The following ZFYVE16 variants were observed in gnomAD, a reference collection of about 807,000 sequenced individuals.
ZFYVE16 encodes the protein zinc finger FYVE domain-containing protein 16.
In ZFYVE16, 89 loss-of-function variants were observed where a neutral mutation model predicts 138.1. The ratio of observed to expected loss-of-function variants is 0.64; its 90% CI spans 0.54 to 0.77. The LOEUF (loss-of-function observed/expected upper bound fraction) is 0.77, where lower values mean the gene tolerates loss of function less well. Ranked by LOEUF, ZFYVE16 falls within the 30% of genes least tolerant of loss-of-function variation. The pLI is 0.00. For missense variants in ZFYVE16, 1,793 were observed against 1,786.7 expected (o/e 1.00, Z -0.06); for synonymous variants, 596 against 618.3 (o/e 0.96, Z 0.53).
chr5:80,469,521 T>TG (rs1242076827), intron 15 of ZFYVE16, among the ~76,000 whole-genome samples: 5 of 152,134 alleles, frequency 3.3e-5, no homozygotes, highest in African/African-American at 1.2e-4. Context: ...TGGGATTACA[T>TG]GTGTGAGCCA....
At chr5:80,455,124 T>A (rs1028928951) in intron 11 of ZFYVE16, 1 of 152,214 alleles carries the variant, frequency 6.6e-6, no homozygotes, top group Non-Finnish European at 1.5e-5. Flanking sequence ...ACTTTCTCAT[T>A]TATGAAATAG....
intron 2 of ZFYVE16, among the ~76,000 whole-genome samples, chr5:80,428,947 G>A (rs931749354): frequency 2.6e-5 from 4 of 152,188 alleles, no homozygotes; most frequent in African/African-American, 9.7e-5. Context: ...CAAGAAACAT[G>A]GGACTGTGTG....
At chr5:80,421,570 G>A (rs1315146572) in intron 1 of ZFYVE16, among the ~76,000 whole-genome samples, 1 of 152,092 alleles carries the variant, frequency 6.6e-6, no homozygotes, top group African/African-American at 2.4e-5. Flanking sequence ...CCCATTTCTT[G>A]TTTTTATCAG....
At chr5:80,475,758 A>G (rs988950976) in intron 18 of ZFYVE16, among the ~76,000 whole-genome samples, 2 of 152,188 alleles carry the variant, frequency 1.3e-5, no homozygotes, top group Non-Finnish European at 2.9e-5. Context: ...CATATTTGAT[A>G]TATGTTGATA....
In ZFYVE16 at chr5:80,443,198, T is replaced by A. The variant is rs796252358; in HGVS notation, c.2495T>A (p.Val832Asp). ...AATCATTCTGATGAATGTACTACTG[T>A]CCAGCCTCCTCAGGAGAACCAAACA... ...KSNHSDECTT[V>D]QPPQENQTSS... is the part of the protein sequence containing the mutation. The change falls in exon 6 of 19, where the codon GTC becomes GAC. Residue 832 changes from valine (V) to aspartate (D), a missense_variant. Val to Asp is a radical substitution (Grantham distance 152). Around this residue, in one of 2 missense-constraint regions of ZFYVE16, gnomAD observed 1,295 missense variants for 1,204.3 expected, o/e 1.08. Transcript: ENST00000505560. 6.2e-7 allele frequency: 1 copy of A among 1,609,604 alleles called. No homozygotes were observed.
At chr5:80,416,247 A>ATTTTTTTTT (rs70988469) in intron 1 of ZFYVE16, among the ~76,000 whole-genome samples, 5 of 73,346 alleles carry the variant, frequency 6.8e-5, no homozygotes, top group African/African-American at 9.7e-5. Flanking sequence ...GAATACATAG[A>ATTTTTTTTT]TTTTTTTTTT....
At chr5:80,477,101 C>A in intron 18 of ZFYVE16, 118 bp from the exon 19 acceptor site, 1 of 805,928 alleles carries the variant, frequency 1.2e-6, no homozygotes, top group Non-Finnish European at 1.8e-6. Flanking sequence ...ATAAATATAT[C>A]AAATATTTTA....
Position 80,448,662 on chromosome 5 carries a change from G to A in ZFYVE16, c.3103+258G>A, listed in dbSNP as rs564513316. Among the ~76,000 whole-genome samples, 39 of 152,090 alleles carry A rather than the reference G, an allele frequency of 2.6e-4. No homozygotes were observed. The East Asian group carries it at 5.8e-3, about 23-fold the overall frequency. The stretch of plus-strand genomic sequence containing the variant: ...AGGGAAGCTCATAGACTTTTAGCCC[G>A]AAGAAATATTTCCATTGTATTAGAA... On this transcript the variant is annotated intron_variant, in intron 8 of 18. Coordinates refer to ENST00000505560, the MANE Select transcript of ZFYVE16 (RefSeq NM_001284236.3).
intron 2 of ZFYVE16, among the ~76,000 whole-genome samples, chr5:80,433,692 TA>T (rs1424812446): frequency 6.6e-6 from 1 of 151,232 alleles, no homozygotes; most frequent in East Asian, 1.9e-4. Context: ...TGTCTTCCAC[TA>T]AAAAAAGAAA....
At chr5:80,458,032 TAAAAAAA>T (rs749338847) in intron 14 of ZFYVE16, among the ~76,000 whole-genome samples, 2 of 73,656 alleles carry the variant, frequency 2.7e-5, no homozygotes, top group African/African-American at 1.0e-4. Flanking sequence ...AGACTACGTC[TAAAAAAA>T]AAAAAAAAAA....
intron 5 of ZFYVE16, chr5:80,440,352 C>T: frequency 9.8e-7 from 1 of 1,018,598 alleles, no homozygotes; most frequent in Non-Finnish European, 1.2e-6. Context: ...TCATCTTAAT[C>T]TAAATAAACA....
chr5:80,445,219 C>T, intron 6 of ZFYVE16, 44 bp from the exon 7 acceptor site: 2 of 1,591,986 alleles, frequency 1.3e-6, no homozygotes, highest in Non-Finnish European at 1.7e-6. Context: ...AAATCATTGC[C>T]ATATTACCAG....
At position 80,455,719 on chromosome 5, in the gene ZFYVE16, G is replaced by A; in HGVS notation, c.3635G>A (p.Arg1212Lys). The A allele has an allele frequency of 6.3e-7, 1 of 1,597,930 alleles. No homozygotes were observed. Among genetic ancestry groups the A allele is most frequent in the Non-Finnish European group, 8.5e-7 (1 of 1,175,884 alleles). The change falls in exon 12 of 19, where the codon AGA becomes AAA. Residue 1212 changes from arginine to lysine, a missense_variant. Around this residue, in one of 2 missense-constraint regions of ZFYVE16, gnomAD observed 498 missense variants for 582.4 expected, o/e 0.86. Coordinates refer to ENST00000505560, the MANE Select transcript of ZFYVE16 (RefSeq NM_001284236.3). ...TATCCTGCTCCTCTAACAAGCATCAGAGGCCGAAAACCTCTTTTTGGAGAA... is the reference window on the plus strand; with the variant it reads ...TATCCTGCTCCTCTAACAAGCATCAAAGGCCGAAAACCTCTTTTTGGAGAA... The part of the protein sequence containing the change: ...KAYPAPLTSI[R>K]GRKPLFGEIG...
At chr5:80,448,438 T>C (rs1751630629) in intron 8 of ZFYVE16, 34 bp downstream of exon 8, 1 of 1,427,788 alleles carries the variant, frequency 7.0e-7, no homozygotes. Context: ...TAAAAAGATT[T>C]AAAAATATAT....
In ZFYVE16 at chr5:80,434,145, A is replaced by G. The variant is rs531190738; in HGVS notation, c.-3A>G. ...TTAAATTCTGAATAAGTCTGCAGGTAGGATGGACAGTTATTTTAAAGCAGC... is the reference window on the plus strand; with the variant it reads ...TTAAATTCTGAATAAGTCTGCAGGTGGGATGGACAGTTATTTTAAAGCAGC... On this transcript the variant is annotated 5_prime_UTR_variant, in exon 3 of 19. Transcript: ENST00000505560. 11 of 1,612,742 alleles carry G rather than the reference A, an allele frequency of 6.8e-6. No individual in the cohort carries two copies. The African/African-American group carries it at 9.3e-5, about 14-fold the overall frequency.
intron 1 of ZFYVE16, among the ~76,000 whole-genome samples, chr5:80,414,270 C>G (rs551188777): frequency 6.6e-6 from 1 of 152,164 alleles, no homozygotes; most frequent in South Asian, 2.1e-4. Context: ...ATCTGTTTTG[C>G]GACATCTTTC....
intron 16 of ZFYVE16, among the ~76,000 whole-genome samples, chr5:80,473,344 C>G (rs1005427661): frequency 6.6e-6 from 1 of 152,164 alleles, no homozygotes; most frequent in African/African-American, 2.4e-5. Flanking sequence ...AGAGGCCTTA[C>G]AGATTATTAC....
chr5:80,482,009 C>G lies in ZFYVE16; in HGVS notation c.*4632C>G, dbSNP rs1476638851. Among the ~76,000 whole-genome samples, 1 of 152,098 alleles carries G rather than the reference C, an allele frequency of 6.6e-6. No homozygotes were observed. Among genetic ancestry groups the G allele is most frequent in the Non-Finnish European group, 1.5e-5 (1 of 68,030 alleles). ...TAATTTTTTGTATTTTTAATAGAGACAGAGTTTCACCACGTTGGCCAGGCT... is the reference window on the plus strand; with the variant it reads ...TAATTTTTTGTATTTTTAATAGAGAGAGAGTTTCACCACGTTGGCCAGGCT... On this transcript the variant is annotated 3_prime_UTR_variant, in exon 19 of 19. Transcript: ENST00000505560.
intron 15 of ZFYVE16, among the ~76,000 whole-genome samples, chr5:80,467,293 A>G (rs560404210): frequency 6.6e-6 from 1 of 152,302 alleles, no homozygotes; most frequent in Non-Finnish European, 1.5e-5. Context: ...TTGCAAATAC[A>G]AGGATGTACA....
Sources: allele counts gnomAD v4.1 joint callset (sites outside exome capture counted in the v4.1 genomes callset), GRCh38; gene constraint gnomAD v4.1.1; regional missense constraint gnomAD v4.1.1; transcripts MANE v1.5; gene names NCBI Gene and HGNC (gene_info 2026-07-23, HGNC 2026-07-21).